Variants in FERMT2 observed in about 807,000 individuals in gnomAD.
The protein encoded by FERMT2 is FERM domain containing kindlin 2, also known as fermitin family homolog 2.
In FERMT2, 15 loss-of-function variants were observed where a neutral mutation model predicts 82.7. The observed-to-expected ratio is 0.18, with a 90% CI of 0.12 to 0.28. FERMT2 has a LOEUF of 0.28. Ranked by LOEUF, FERMT2 falls within the 10% of genes least tolerant of loss-of-function variation. FERMT2 has a pLI of 1.00. For missense variants in FERMT2, 645 were observed against 809.4 expected (o/e 0.80, Z 2.46); for synonymous variants, 274 against 271.5 (o/e 1.01, Z -0.09).
chr14:52,911,528 A>G (rs2147974), intron 3 of FERMT2, among the ~76,000 whole-genome samples: 122,281 of 151,786 alleles, frequency 0.81, 49,448 homozygotes, highest in East Asian at 1. Flanking sequence ...GCGAGCGCCT[A>G]TAGTCCCAGC....
chr14:52,922,701 G>A (rs1190338904), intron 2 of FERMT2, among the ~76,000 whole-genome samples: 1 of 152,182 alleles, frequency 6.6e-6, no homozygotes. Flanking sequence ...ATAATGTGAG[G>A]TATGAAAAGG....
At chr14:52,896,995 ATAAAACACACAC>A (rs1261699744) in intron 3 of FERMT2, among the ~76,000 whole-genome samples, 1 of 104,130 alleles carries the variant, frequency 9.6e-6, no homozygotes, top group Admixed American at 1.1e-4. Context: ...TGCAAAACAA[ATAAAACACACAC>A]ACACACACAC....
chr14:52,874,086 T>C, intron 9 of FERMT2, 91 bp downstream of exon 9: 1 of 752,756 alleles, frequency 1.3e-6, no homozygotes, highest in Non-Finnish European at 2.1e-6. Flanking sequence ...ATGCGTTTGT[T>C]AGTCAAACTT....
chr14:52,923,095 T>C (rs1206427435), intron 2 of FERMT2, among the ~76,000 whole-genome samples: 1 of 152,056 alleles, frequency 6.6e-6, no homozygotes, highest in Non-Finnish European at 1.5e-5. Context: ...AGAAAAGGTA[T>C]AGTAAAATTA....
At chr14:52,870,838 G>C (rs1173758481) in intron 10 of FERMT2, among the ~76,000 whole-genome samples, 1 of 152,196 alleles carries the variant, frequency 6.6e-6, no homozygotes, top group Non-Finnish European at 1.5e-5. Context: ...TTAGGAATAT[G>C]AATCAGGAAA....
intron 2 of FERMT2, among the ~76,000 whole-genome samples, chr14:52,940,801 A>G (rs1481170953): frequency 6.6e-6 from 1 of 152,206 alleles, no homozygotes. Flanking sequence ...TAGAATGGCT[A>G]AAATTAAAAC....
chr14:52,938,990 A>T (rs2139693011), intron 2 of FERMT2, among the ~76,000 whole-genome samples: 1 of 152,232 alleles, frequency 6.6e-6, no homozygotes, highest in African/African-American at 2.4e-5. Context: ...TTATAGTATT[A>T]CTAATAATGA....
chr14:52,864,879 T>C, intron 10 of FERMT2, 26 bp from the exon 11 acceptor site: 3 of 1,290,026 alleles, frequency 2.3e-6, no homozygotes, highest in South Asian at 1.2e-5. Flanking sequence ...TTTATTAAAA[T>C]GGCTAAATTT....
rs1887318827 is a variant in FERMT2, at chr14:52,897,043, CACA to C, written c.392-3619_392-3617del. On this transcript the variant is annotated intron_variant, in intron 3 of 14. Coordinates refer to ENST00000341590, the MANE Select transcript of FERMT2 (RefSeq NM_006832.3). ...ACACACACACACACACACACACACACACACACCATGGTAGAAATTTGGAAGTTA... is the reference window on the plus strand; with the variant it reads ...ACACACACACACACACACACACACACCACCATGGTAGAAATTTGGAAGTTA... 2.4e-5 allele frequency among the ~76,000 whole-genome samples: 3 copies of C among 123,022 alleles called. No individual in the cohort carries two copies. The South Asian group carries it at 8.3e-4, about 34-fold the overall frequency. The allele number at this position is 123,022 out of a possible 152,430, so 80.7% of individuals were successfully genotyped here. A position where few individuals can be genotyped will look rare whatever the true frequency, so the allele number is the denominator to read the frequency against.
intron 3 of FERMT2, among the ~76,000 whole-genome samples, chr14:52,901,513 A>G (rs1025999296): frequency 1.3e-5 from 2 of 152,170 alleles, no homozygotes; most frequent in Admixed American, 6.5e-5. Flanking sequence ...GGTGAGCCCA[A>G]CGTAATCACA....
At chr14:52,933,002 A>G (rs564257357) in intron 2 of FERMT2, among the ~76,000 whole-genome samples, 17 of 152,146 alleles carry the variant, frequency 1.1e-4, no homozygotes, top group African/African-American at 3.9e-4. Flanking sequence ...AATCAACAAA[A>G]TGTAAAACAA....
At chr14:52,940,462 T>A (rs11621741) in intron 2 of FERMT2, among the ~76,000 whole-genome samples, 24,176 of 152,214 alleles carry the variant, frequency 0.16, 2,601 homozygotes, top group Non-Finnish European at 0.23. Flanking sequence ...TAATTATTCA[T>A]AATATTCTCA....
chr14:52,860,418 A>T lies in FERMT2; in HGVS notation c.1650T>A (p.Ser550Arg), dbSNP rs780980333. The T allele has an allele frequency of 5.6e-6, 9 of 1,613,428 alleles. No individual in the cohort carries two copies. The African/African-American group carries it at 8.0e-5, about 14-fold the overall frequency. Residue 550 changes from serine to arginine, a missense_variant, in exon 13 of 15, where the codon AGT becomes AGA. Transcript: ENST00000341590. ...TAAATCTCATCTTGGCTTCAATTAG[A>T]CTCATCTGAGCTACATTCTGATGGG... ...LEAHQNVAQM[S>R]LIEAKMRFIQ...
At chr14:52,874,092 A>G (rs1885806281) in intron 9 of FERMT2, 85 bp downstream of exon 9, 1 of 854,004 alleles carries the variant, frequency 1.2e-6, no homozygotes, top group Non-Finnish European at 1.8e-6. Flanking sequence ...TTGTTAGTCA[A>G]ACTTAACAGT....
At chr14:52,893,060 C>T (rs761059247) in intron 4 of FERMT2, among the ~76,000 whole-genome samples, 16 of 152,288 alleles carry the variant, frequency 1.1e-4, no homozygotes, top group Non-Finnish European at 1.9e-4. Flanking sequence ...TGCAGTGGCA[C>T]GATCTTGGCT....
At chr14:52,939,336 G>GCACTC (rs1222527710) in intron 2 of FERMT2, among the ~76,000 whole-genome samples, 7 of 145,514 alleles carry the variant, frequency 4.8e-5, no homozygotes, top group Admixed American at 4.2e-4. Context: ...GCACATCACT[G>GCACTC]CACTCCAGCC....
chr14:52,904,414 G>C (rs1887862435), intron 3 of FERMT2, among the ~76,000 whole-genome samples: 1 of 152,196 alleles, frequency 6.6e-6, no homozygotes, highest in African/African-American at 2.4e-5. Context: ...CTACTCAAGA[G>C]GCTGAGACAG....
chr14:52,881,145 A>G lies in FERMT2; in HGVS notation c.753-7T>C. ...TCTTGAGGAATCAAGCCATCTGGAC[A>G]AATTAAGAACAGTGGAACAAAACAA... is the stretch of plus-strand genomic sequence containing the variant. On this transcript the variant is annotated splice_region_variant and splice_polypyrimidine_tract_variant and intron_variant, in intron 5 of 14. Transcript: ENST00000341590. 1 of 1,610,014 alleles carries G rather than the reference A, an allele frequency of 6.2e-7. No homozygotes were observed.
chr14:52,881,667 C>A, intron 4 of FERMT2, 198 bp from the exon 5 acceptor site: 2 of 903,548 alleles, frequency 2.2e-6, no homozygotes, highest in Non-Finnish European at 3.2e-6. Context: ...CGTAATAAAG[C>A]CTTAAGAATA....
Sources: gnomAD v4.1 joint callset for allele counts (sites outside exome capture counted in the v4.1 genomes callset) on GRCh38, gnomAD v4.1.1 for gene constraint, MANE v1.5 for transcripts, NCBI Gene and HGNC (gene_info 2026-07-23, HGNC 2026-07-21) for gene names.